Variants in JAM3 observed in about 807,000 individuals in gnomAD.
The protein encoded by JAM3 is junctional adhesion molecule C.
Under a neutral mutation model 39.4 loss-of-function variants are expected in JAM3, and 31 were observed. That is an observed-to-expected ratio of 0.79 (90% confidence interval 0.59 to 1.06). JAM3 has a LOEUF of 1.06. Among genes scored for constraint, JAM3 ranks in the 50% least tolerant of loss-of-function variants. The pLI, the probability that JAM3 is intolerant of heterozygous loss-of-function variation, is 0.00. For missense variants in JAM3, 455 were observed against 391.4 expected (o/e 1.16, Z -1.37); for synonymous variants, 182 against 148.7 (o/e 1.22, Z -1.63).
chr11:134,122,392 C>A (rs1373885451), intron 1 of JAM3, among the ~76,000 whole-genome samples: 5 of 152,146 alleles, frequency 3.3e-5, no homozygotes, highest in Non-Finnish European at 7.3e-5. Flanking sequence ...TGATGGTACC[C>A]CTCTACCTGC....
At chr11:134,113,981 T>G (rs539449158) in intron 1 of JAM3, among the ~76,000 whole-genome samples, 1 of 152,316 alleles carries the variant, frequency 6.6e-6, no homozygotes, top group South Asian at 2.1e-4. Flanking sequence ...TTTGGCTGCA[T>G]AAATGTCTTC....
At chr11:134,111,260 C>T (rs1942304441) in intron 1 of JAM3, among the ~76,000 whole-genome samples, 1 of 150,508 alleles carries the variant, frequency 6.6e-6, no homozygotes, top group Non-Finnish European at 1.5e-5. Flanking sequence ...TCTCCTGCCT[C>T]AGCCTCCCAA....
chr11:134,090,583 G>A (rs1941830464), intron 1 of JAM3, among the ~76,000 whole-genome samples: 1 of 152,188 alleles, frequency 6.6e-6, no homozygotes, highest in African/African-American at 2.4e-5. Context: ...AGTAAATGCT[G>A]TGCTTTAAAG....
chr11:134,069,199 G>T (rs777644657), intron 1 of JAM3, 40 bp downstream of exon 1: 3 of 1,603,156 alleles, frequency 1.9e-6, no homozygotes, highest in Admixed American at 1.7e-5. Flanking sequence ...ACTAGGGTCT[G>T]GGGGCGACGG....
At chr11:134,124,380 AG>A (rs1406263129) in intron 1 of JAM3, 15 of 650,560 alleles carry the variant, frequency 2.3e-5, no homozygotes, top group South Asian at 5.5e-5. Flanking sequence ...GAAAAGTGAA[AG>A]AAATCAATAA....
chr11:134,102,986 C>T (rs1942104727), intron 1 of JAM3, among the ~76,000 whole-genome samples: 1 of 152,142 alleles, frequency 6.6e-6, no homozygotes, highest in Admixed American at 6.5e-5. Flanking sequence ...GGCAGGCCAA[C>T]ATTCAAATTC....
At chr11:134,104,901 A>T (rs1276823096) in intron 1 of JAM3, among the ~76,000 whole-genome samples, 1 of 152,162 alleles carries the variant, frequency 6.6e-6, no homozygotes, top group Non-Finnish European at 1.5e-5. Context: ...GGCCAGATGG[A>T]TTCACAGCCG....
At chr11:134,124,970 A>G (rs1591796549) in intron 1 of JAM3, among the ~76,000 whole-genome samples, 1 of 152,020 alleles carries the variant, frequency 6.6e-6, no homozygotes, top group African/African-American at 2.4e-5. Context: ...CTCCTCAGTT[A>G]CCTCTGCGGC....
intron 1 of JAM3, among the ~76,000 whole-genome samples, chr11:134,069,944 A>T (rs1941461795): frequency 6.6e-6 from 1 of 152,210 alleles, no homozygotes; most frequent in Admixed American, 6.5e-5. Flanking sequence ...CGGAAATAGC[A>T]TTCGGGGCAT....
chr11:134,115,320 A>G (rs925288697), intron 1 of JAM3, among the ~76,000 whole-genome samples: 1 of 152,184 alleles, frequency 6.6e-6, no homozygotes, highest in African/African-American at 2.4e-5. Context: ...CTAACAATAT[A>G]TGCCATTTAA....
intron 1 of JAM3, among the ~76,000 whole-genome samples, chr11:134,128,370 A>T (rs1942695273): frequency 1.3e-5 from 2 of 152,230 alleles, no homozygotes; most frequent in South Asian, 4.1e-4. Flanking sequence ...AGCCTTTGTC[A>T]ACTGTGAATT....
At chr11:134,096,326 A>G (rs1238761316) in intron 1 of JAM3, among the ~76,000 whole-genome samples, 3 of 152,282 alleles carry the variant, frequency 2.0e-5, no homozygotes, top group Admixed American at 6.5e-5. Context: ...TCAGTTTAGT[A>G]TAAATAGGTA....
chr11:134,113,574 TC>T (rs1230932792), intron 1 of JAM3, among the ~76,000 whole-genome samples: 2 of 152,252 alleles, frequency 1.3e-5, no homozygotes, highest in Non-Finnish European at 2.9e-5. Context: ...TGCCACATTT[TC>T]TTAATCCAGT....
intron 1 of JAM3, among the ~76,000 whole-genome samples, chr11:134,086,749 T>C (rs1365809321): frequency 6.6e-6 from 1 of 152,166 alleles, no homozygotes; most frequent in Non-Finnish European, 1.5e-5. Context: ...TTCCATAGGC[T>C]GTTTCCACCT....
chr11:134,120,634 C>T (rs1280398011), intron 1 of JAM3, among the ~76,000 whole-genome samples: 1 of 152,186 alleles, frequency 6.6e-6, no homozygotes, highest in Admixed American at 6.5e-5. Context: ...AACAAGTCTG[C>T]TCTGCTATTC....
Position 134,150,029 on chromosome 11 carries a change from A to G in JAM3, c.*848A>G, listed in dbSNP as rs1943167667. 1 of 153,372 alleles carries G rather than the reference A, an allele frequency of 6.5e-6. No homozygotes were observed. The highest frequency in any genetic ancestry group is 2.0e-4 in the South Asian group (1 of 4,942). The allele number at this position is 153,372 out of a possible 1,614,324, so 9.5% of individuals were successfully genotyped here. A position where few individuals can be genotyped will look rare whatever the true frequency, so the allele number is the denominator to read the frequency against. ...AATGTTAAATAACCTATTTTTTTAA[A>G]AAAGTTCAACTTAAGGTAGAAGTTC... is the stretch of plus-strand genomic sequence containing the variant. On this transcript the variant is annotated 3_prime_UTR_variant, in exon 9 of 9. Coordinates refer to ENST00000299106, the MANE Select transcript of JAM3 (RefSeq NM_032801.5).
At chr11:134,073,602 G>T (rs939684128) in intron 1 of JAM3, among the ~76,000 whole-genome samples, 1 of 152,136 alleles carries the variant, frequency 6.6e-6, no homozygotes, top group Non-Finnish European at 1.5e-5. Flanking sequence ...TATCTATGAC[G>T]TGTCAGGCAC....
At chr11:134,122,727 A>C (rs1942560370) in intron 1 of JAM3, among the ~76,000 whole-genome samples, 1 of 152,266 alleles carries the variant, frequency 6.6e-6, no homozygotes, top group African/African-American at 2.4e-5. Flanking sequence ...CACCACAAGC[A>C]TTTCTCAAGT....
chr11:134,104,082 T>C (rs1565489615), intron 1 of JAM3, among the ~76,000 whole-genome samples: 2 of 152,218 alleles, frequency 1.3e-5, no homozygotes, highest in Admixed American at 6.5e-5. Flanking sequence ...ATCGCACTTA[T>C]TCCAAAATTG....
Sources: gnomAD v4.1 joint callset for allele counts (sites outside exome capture counted in the v4.1 genomes callset) on GRCh38, gnomAD v4.1.1 for gene constraint, MANE v1.5 for transcripts, NCBI Gene and HGNC (gene_info 2026-07-23, HGNC 2026-07-21) for gene names.